The following NCAM2 variants were observed in gnomAD, a reference collection of about 807,000 sequenced individuals.
NCAM2 encodes N-CAM-2.
NCAM2 carries 30 observed loss-of-function variants against 98.1 expected under a neutral mutation model. That is an observed-to-expected ratio of 0.31 (90% CI 0.23 to 0.41). The LOEUF is 0.41. NCAM2 is among the 10% of genes least tolerant of loss of function. NCAM2 has a pLI of 1.00. For missense variants in NCAM2, 867 were observed against 1,005.8 expected (o/e 0.86, Z 1.87); for synonymous variants, 368 against 342.4 (o/e 1.07, Z -0.83).
intron 12 of NCAM2, among the ~76,000 whole-genome samples, chr21:21,433,775 TA>T (rs201296522): frequency 6.9e-6 from 1 of 144,630 alleles, no homozygotes; most frequent in East Asian, 2.3e-4. Context: ...TAAAATAAAA[TA>T]AAATAAAATA....
rs1403801848 is a variant in NCAM2 at position 21,075,268 on chromosome 21, A to G, written c.55+76650A>G. Among the ~76,000 whole-genome samples, 5 of 152,174 alleles carry G rather than the reference A, an allele frequency of 3.3e-5. No homozygotes were observed. In the South Asian group the frequency reaches 6.2e-4, roughly 19 times the overall value. On this transcript the variant is annotated intron_variant, in intron 1 of 17. Coordinates refer to ENST00000400546, the MANE Select transcript of NCAM2 (RefSeq NM_004540.5). ...GGGTTGATGGATGCAGCAAACCACC[A>G]TGGTATGTGTATACCTCTGTAAAAA...
chr21:21,259,057 C>T (rs1450205103), intron 1 of NCAM2, among the ~76,000 whole-genome samples: 2 of 152,084 alleles, frequency 1.3e-5, no homozygotes, highest in East Asian at 1.9e-4. Context: ...GTGGTTCTCC[C>T]CCTGAGGGTC....
chr21:21,439,187 T>C (rs116627941), intron 12 of NCAM2, among the ~76,000 whole-genome samples: 4,342 of 151,602 alleles, frequency 0.029, 120 homozygotes, highest in East Asian at 0.13. Context: ...GGCACAATCA[T>C]AGCTCACTAC....
rs546861331 is a variant in NCAM2 at position 21,154,429 on chromosome 21, T to G, written c.56-126149T>G. Among the ~76,000 whole-genome samples, 40 of 151,950 alleles carry G rather than the reference T, an allele frequency of 2.6e-4. 1 individual carries two copies. In the South Asian group the frequency reaches 7.3e-3, roughly 28 times the overall value. ...AGAAGGATTTTAACTTAATTAGTTGTGAGGATTTCATAGTGGTTCCATTAG... is the reference window on the plus strand; with the variant it reads ...AGAAGGATTTTAACTTAATTAGTTGGGAGGATTTCATAGTGGTTCCATTAG... On this transcript the variant is annotated intron_variant, in intron 1 of 17. Coordinates refer to ENST00000400546, the MANE Select transcript of NCAM2 (RefSeq NM_004540.5).
At chr21:21,048,930 A>G (rs911630080) in intron 1 of NCAM2, among the ~76,000 whole-genome samples, 2 of 152,240 alleles carry the variant, frequency 1.3e-5, no homozygotes, top group Non-Finnish European at 2.9e-5. Context: ...TGTAGCTCTC[A>G]TAAGATAATC....
chr21:21,336,384 C>G (rs181511761), intron 7 of NCAM2, among the ~76,000 whole-genome samples: 1 of 138,566 alleles, frequency 7.2e-6, no homozygotes, highest in Non-Finnish European at 1.5e-5. Flanking sequence ...AAGGAGAAAT[C>G]TGTTAGAATA....
At chr21:21,088,896 C>T (rs184672021) in intron 1 of NCAM2, among the ~76,000 whole-genome samples, 29 of 151,572 alleles carry the variant, frequency 1.9e-4, no homozygotes, top group Non-Finnish European at 3.2e-4. Context: ...GGCTTGAACT[C>T]GGGAGGCGGA....
chr21:21,156,570 T>G (rs1271096429), intron 1 of NCAM2, among the ~76,000 whole-genome samples: 1 of 140,764 alleles, frequency 7.1e-6, no homozygotes, highest in African/African-American at 2.7e-5. Flanking sequence ...CAAGTGTAAA[T>G]AGATAGATTA....
intron 8 of NCAM2, among the ~76,000 whole-genome samples, chr21:21,344,508 G>T (rs1182994626): frequency 6.6e-6 from 1 of 152,086 alleles, no homozygotes. Context: ...TTGTGGTCTG[G>T]GGTGGTGGTG....
intron 1 of NCAM2, among the ~76,000 whole-genome samples, chr21:21,032,936 C>T (rs13052425): frequency 8.6e-5 from 6 of 69,912 alleles, no homozygotes; most frequent in Non-Finnish European, 8.8e-5. Context: ...TGGTTTCTTT[C>T]TTTCTTTCTT....
chr21:21,049,130 T>C (rs2065056854), intron 1 of NCAM2, among the ~76,000 whole-genome samples: 1 of 20,194 alleles, frequency 5.0e-5, no homozygotes, highest in South Asian at 1.6e-3. Flanking sequence ...GCCATTCTCC[T>C]GCCTCAGCCT....
At chr21:21,115,070 C>T (rs1325995635) in intron 1 of NCAM2, among the ~76,000 whole-genome samples, 1 of 152,136 alleles carries the variant, frequency 6.6e-6, no homozygotes, top group Non-Finnish European at 1.5e-5. Context: ...ATCTGCCTGC[C>T]TCAGCCTCCC....
intron 11 of NCAM2, among the ~76,000 whole-genome samples, chr21:21,428,482 G>C (rs551813620): frequency 5.1e-4 from 77 of 152,174 alleles, no homozygotes; most frequent in Non-Finnish European, 1.0e-3. Flanking sequence ...TGTGATCAGA[G>C]TGGTTCTTTA....
chr21:21,478,545 A>G (rs1346116060), intron 15 of NCAM2, among the ~76,000 whole-genome samples: 1 of 151,708 alleles, frequency 6.6e-6, no homozygotes. Context: ...AAGCAGTTTT[A>G]TATGATTAAT....
intron 12 of NCAM2, among the ~76,000 whole-genome samples, chr21:21,447,802 A>G (rs936026674): frequency 1.2e-4 from 18 of 152,196 alleles, no homozygotes; most frequent in African/African-American, 3.9e-4. Flanking sequence ...AAAGCTTAAC[A>G]TCACTGATCA....
intron 1 of NCAM2, among the ~76,000 whole-genome samples, chr21:21,125,886 A>G (rs1194252432): frequency 6.6e-6 from 1 of 151,630 alleles, no homozygotes; most frequent in East Asian, 1.9e-4. Context: ...ATTTCATGGG[A>G]AGAAATGATG....
intron 1 of NCAM2, among the ~76,000 whole-genome samples, chr21:21,041,629 G>T (rs1328269573): frequency 1.3e-5 from 2 of 152,200 alleles, no homozygotes; most frequent in Non-Finnish European, 2.9e-5. Flanking sequence ...GAACATCGTG[G>T]TGGTGGTGTA....
At position 21,512,536 on chromosome 21, in the gene NCAM2, TG is replaced by T. The variant is rs1414638357; in HGVS notation, c.2282+3482del. ...TTAGGTAATGTCATTCCTTCACTTT[TG>T]TTCTTTTGAGTCAGGATGGTTTTGG... On this transcript the variant is annotated intron_variant, in intron 16 of 17. Coordinates refer to ENST00000400546, the MANE Select transcript of NCAM2 (RefSeq NM_004540.5). 3.9e-5 allele frequency among the ~76,000 whole-genome samples: 6 copies of T among 152,102 alleles called. No homozygotes were observed. In the East Asian group the frequency reaches 1.2e-3, roughly 29 times the overall value.
intron 14 of NCAM2, among the ~76,000 whole-genome samples, chr21:21,473,001 T>C (rs984463376): frequency 7.4e-5 from 11 of 149,418 alleles, no homozygotes; most frequent in Admixed American, 6.7e-4. Flanking sequence ...CACGCACACA[T>C]ACACACACAC....
Sources: gnomAD v4.1 joint callset for allele counts (sites outside exome capture counted in the v4.1 genomes callset) on GRCh38, gnomAD v4.1.1 for gene constraint, MANE v1.5 for transcripts, NCBI Gene and HGNC (gene_info 2026-07-23, HGNC 2026-07-21) for gene names.